Variants in OR2M4 observed in about 807,000 individuals in gnomAD.
OR2M4 encodes the protein olfactory receptor family 2 subfamily M member 4, also known as olfactory receptor 2M4.
Under a neutral mutation model 13.7 loss-of-function variants are expected in OR2M4, and 8 were observed. That is an observed-to-expected ratio of 0.58 (90% CI 0.34 to 1.05). The LOEUF is 1.05. OR2M4 is among the 50% of genes least tolerant of loss of function. The pLI, the probability that OR2M4 is intolerant of heterozygous loss-of-function variation, is 0.02. For synonymous variants in OR2M4, 152 were observed against 141.3 expected, an observed-to-expected ratio of 1.08 and a Z score of -0.53; for missense variants, 374 against 381.6, an observed-to-expected ratio of 0.98 and a Z score of 0.17.
At chr1:248,231,811 G>A (rs1666508135) in intron 1 of OR2M4, among the ~76,000 whole-genome samples, 1 of 152,016 alleles carries the variant, frequency 6.6e-6, no homozygotes, top group East Asian at 1.9e-4. Context: ...CATTTCTCCT[G>A]CAATCCTGGA....
In OR2M4 at chr1:248,239,967, T is replaced by C; in HGVS notation, c.*103T>C. 1 of 725,702 alleles carries C rather than the reference T, an allele frequency of 1.4e-6. No individual in the cohort carries two copies. Among genetic ancestry groups the C allele is most frequent in the African/African-American group, 1.8e-5 (1 of 56,126 alleles). The allele number at this position is 725,702 out of a possible 1,614,324, so 45.0% of individuals were successfully genotyped here. A position where few individuals can be genotyped will look rare whatever the true frequency, so the allele number is the denominator to read the frequency against. ...TTCTATTTCTGGTAATTTGTATTAA[T>C]ATTTTCCACTTCTTTTCAAAATTAT... On this transcript the variant is annotated 3_prime_UTR_variant, in exon 2 of 2. Transcript: ENST00000641868.
chr1:248,239,741 C>T lies in OR2M4; in HGVS notation c.813C>T (p.Asp271=), dbSNP rs1190135768. 11 of 1,614,084 alleles carry T rather than the reference C, an allele frequency of 6.8e-6. No homozygotes were observed. Among genetic ancestry groups the T allele is most frequent in the Admixed American group, 1.7e-5 (1 of 60,006 alleles). ...CTTCTAAACATACGCCAGACCAGGA[C>T]AAGATGGTGTCGGCCTTCTACACTA... is the stretch of plus-strand genomic sequence containing the variant. ...RPASKHTPDQ[D]KMVSAFYTIL... is the part of the protein sequence containing the mutation. Residue 271 remains aspartate, a synonymous_variant, in exon 2 of 2, where the codon GAC becomes GAT. Transcript: ENST00000641868.
intron 1 of OR2M4, among the ~76,000 whole-genome samples, chr1:248,234,377 C>T (rs1000992082): frequency 2.6e-5 from 4 of 151,806 alleles, no homozygotes; most frequent in Admixed American, 2.6e-4. Context: ...TGGTGGTTTG[C>T]TGCACCTATC....
chr1:248,233,492 T>C (rs941969920), intron 1 of OR2M4, among the ~76,000 whole-genome samples: 2 of 152,084 alleles, frequency 1.3e-5, no homozygotes, highest in African/African-American at 4.8e-5. Context: ...CAGAATAAAT[T>C]TGAAAACTAC....
chr1:248,240,388 T>C lies in OR2M4; in HGVS notation c.*524T>C, dbSNP rs1426256012. On this transcript the variant is annotated 3_prime_UTR_variant, in exon 2 of 2. Transcript: ENST00000641868. ...AATCAAGTTTTATGTCTGCATAAAA[T>C]ATTTCCTAGAAACTCGTATAAACAT... 6.6e-6 allele frequency: 1 copy of C among 152,508 alleles called. No individual in the cohort carries two copies. The highest frequency in any genetic ancestry group is 6.5e-5 in the Admixed American group (1 of 15,294). The allele number at this position is 152,508 out of a possible 1,614,324, so 9.4% of individuals were successfully genotyped here. A position where few individuals can be genotyped will look rare whatever the true frequency, so the allele number is the denominator to read the frequency against.
chr1:248,239,546 G>C lies in OR2M4; in HGVS notation c.618G>C (p.Met206Ile). ...TACTTGTCATTTGTTGTGTGGTAAT[G>C]CTAATCTTTCCAGTTTCAGTTATCA... is the stretch of plus-strand genomic sequence containing the variant. The part of the protein sequence containing the change: ...ERLLVICCVV[M>I]LIFPVSVIIL... The change falls in exon 2 of 2, where the codon ATG becomes ATC. Residue 206 changes from methionine (M) to isoleucine (I), a missense_variant. Coordinates refer to ENST00000641868, the MANE Select transcript of OR2M4 (RefSeq NM_017504.2). 1 of 1,614,118 alleles carries C rather than the reference G, an allele frequency of 6.2e-7. No homozygotes were observed.
intron 1 of OR2M4, among the ~76,000 whole-genome samples, chr1:248,236,137 C>T (rs1457890301): frequency 1.3e-5 from 2 of 152,068 alleles, no homozygotes. Context: ...AGAACTTACT[C>T]TAAAATAGAT....
intron 1 of OR2M4, among the ~76,000 whole-genome samples, chr1:248,234,928 CA>C (rs926944260): frequency 6.0e-5 from 9 of 150,458 alleles, no homozygotes; most frequent in Non-Finnish European, 3.0e-5. Flanking sequence ...GGGTAGATTC[CA>C]AAATTTTTCT....
At chr1:248,237,378 G>T (rs1026872102) in intron 1 of OR2M4, among the ~76,000 whole-genome samples, 1 of 152,120 alleles carries the variant, frequency 6.6e-6, no homozygotes, top group Non-Finnish European at 1.5e-5. Context: ...CAATAGCCAG[G>T]CACGGTGGCT....
intron 1 of OR2M4, among the ~76,000 whole-genome samples, chr1:248,233,194 A>G (rs961582964): frequency 6.6e-6 from 1 of 152,144 alleles, no homozygotes; most frequent in Non-Finnish European, 1.5e-5. Flanking sequence ...CAAGATATAA[A>G]CAGAACATTT....
At chr1:248,234,280 T>TA (rs559939683) in intron 1 of OR2M4, among the ~76,000 whole-genome samples, 36 of 131,564 alleles carry the variant, frequency 2.7e-4, no homozygotes, top group African/African-American at 1.2e-3. Context: ...GAGTCAAATA[T>TA]TTTTTTTTTT....
At position 248,236,677 on chromosome 1, in the gene OR2M4, A is replaced by G. The variant is rs186558224; in HGVS notation, c.-19-2233A>G. ...ATAAAATAGACTGCTGGCTAGGCTA[A>G]TAAAGAAGAAAGAGAGAATAATCAG... On this transcript the variant is annotated intron_variant, in intron 1 of 1. Coordinates refer to ENST00000641868, the MANE Select transcript of OR2M4 (RefSeq NM_017504.2). Among the ~76,000 whole-genome samples the G allele has an allele frequency of 7.6e-4, 115 of 152,300 alleles. 1 individual carries two copies. The highest frequency in any genetic ancestry group is 9.0e-4 in the Non-Finnish European group (61 of 68,024).
Position 248,242,670 on chromosome 1 carries a change from T to C in OR2M4, c.*2806T>C, listed in dbSNP as rs1300278695. On this transcript the variant is annotated 3_prime_UTR_variant, in exon 2 of 2. Coordinates refer to ENST00000641868, the MANE Select transcript of OR2M4 (RefSeq NM_017504.2). ...ATAACAAATAGAAGTGTGATTTACATTTTGTCAGCAACATCACACCTTATG... is the reference window on the plus strand; with the variant it reads ...ATAACAAATAGAAGTGTGATTTACACTTTGTCAGCAACATCACACCTTATG... 2 of 152,148 alleles carry C rather than the reference T, an allele frequency of 1.3e-5. No homozygotes were observed. The highest frequency in any genetic ancestry group is 3.9e-4 in the East Asian group (2 of 5,194). 9.4% of individuals were successfully genotyped at this position (152,148 alleles called of 1,614,324 possible). A position where few individuals can be genotyped will look rare whatever the true frequency, so the allele number is the denominator to read the frequency against.
chr1:248,237,117 C>T (rs1666565158), intron 1 of OR2M4, among the ~76,000 whole-genome samples: 1 of 152,136 alleles, frequency 6.6e-6, no homozygotes, highest in African/African-American at 2.4e-5. Context: ...AAAAAGGGAA[C>T]ACTTCAGGCC....
chr1:248,240,551 A>C lies in OR2M4; in HGVS notation c.*687A>C, dbSNP rs989765142. 6.6e-6 allele frequency: 1 copy of C among 152,240 alleles called. No homozygotes were observed. The highest frequency in any genetic ancestry group is 2.4e-5 in the African/African-American group (1 of 41,458). 9.4% of individuals were successfully genotyped at this position (152,240 alleles called of 1,614,324 possible). ...TGCTTTTATTCCTTATAATCCTTAT[A>C]TTAACCATCAGAATCTGAAGGCAGA... is the stretch of plus-strand genomic sequence containing the variant. On this transcript the variant is annotated 3_prime_UTR_variant, in exon 2 of 2. Coordinates refer to ENST00000641868, the MANE Select transcript of OR2M4 (RefSeq NM_017504.2).
Position 248,242,894 on chromosome 1 carries a change from C to T in OR2M4, c.*3030C>T, listed in dbSNP as rs1666631202. 1 of 151,958 alleles carries T rather than the reference C, an allele frequency of 6.6e-6. No individual in the cohort carries two copies. The highest frequency in any genetic ancestry group is 2.1e-4 in the South Asian group (1 of 4,818). The allele number at this position is 151,958 out of a possible 1,614,324, so 9.4% of individuals were successfully genotyped here. ...TGTAAACTGCAAAATCTACAAGAAA[C>T]ATTTGAAAACAATTTTGATATTGAT... is the stretch of plus-strand genomic sequence containing the variant. On this transcript the variant is annotated 3_prime_UTR_variant, in exon 2 of 2. Coordinates refer to ENST00000641868, the MANE Select transcript of OR2M4 (RefSeq NM_017504.2).
In OR2M4 at chr1:248,240,036, T is replaced by C. The variant is rs1033562006; in HGVS notation, c.*172T>C. 2 of 507,018 alleles carry C rather than the reference T, an allele frequency of 3.9e-6. No individual in the cohort carries two copies. Among genetic ancestry groups the C allele is most frequent in the Non-Finnish European group, 6.9e-6 (2 of 291,838 alleles). The allele number at this position is 507,018 out of a possible 1,614,324, so 31.4% of individuals were successfully genotyped here. ...CATATACATCGTTTGTATACTAAGC[T>C]AGATTTGGATGTTAGTATAAGTGGT... On this transcript the variant is annotated 3_prime_UTR_variant, in exon 2 of 2. Coordinates refer to ENST00000641868, the MANE Select transcript of OR2M4 (RefSeq NM_017504.2).
chr1:248,235,851 G>A (rs1666551524), intron 1 of OR2M4, among the ~76,000 whole-genome samples: 1 of 152,062 alleles, frequency 6.6e-6, no homozygotes, highest in Non-Finnish European at 1.5e-5. Context: ...CGTTGATTTT[G>A]TATCCTGAGA....
chr1:248,232,692 A>C (rs1006403535), intron 1 of OR2M4, among the ~76,000 whole-genome samples: 2 of 152,132 alleles, frequency 1.3e-5, no homozygotes, highest in Non-Finnish European at 2.9e-5. Flanking sequence ...TTACAATTTC[A>C]TGTGACATTG....
Sources: allele counts gnomAD v4.1 joint callset (sites outside exome capture counted in the v4.1 genomes callset), GRCh38; gene constraint gnomAD v4.1.1; transcripts MANE v1.5; gene names NCBI Gene and HGNC (gene_info 2026-07-23, HGNC 2026-07-21).